ELF2: variants seen among roughly 807,000 people sequenced by gnomAD.
ELF2 encodes ETS-related transcription factor Elf-2.
A neutral mutation model predicts 54.8 loss-of-function variants in ELF2; 11 were observed. That is an observed-to-expected ratio of 0.20 (90% CI 0.13 to 0.33). The LOEUF (loss-of-function observed/expected upper bound fraction) is 0.33. Ranked by LOEUF, ELF2 falls within the 10% of genes least tolerant of loss-of-function variation. The pLI is 1.00. For missense variants in ELF2, 513 were observed against 703.0 expected (o/e 0.73, Z 3.06); for synonymous variants, 203 against 245.1 (o/e 0.83, Z 1.61).
chr4:139,175,887 G>C (rs995691905), intron 1 of ELF2, among the ~76,000 whole-genome samples: 1 of 152,204 alleles, frequency 6.6e-6, no homozygotes, highest in African/African-American at 2.4e-5. Flanking sequence ...CTCCTAGAAA[G>C]AGTCCATCCA....
chr4:139,135,279 G>GTGTGTA (rs373283677), intron 3 of ELF2, among the ~76,000 whole-genome samples: 3,490 of 136,116 alleles, frequency 0.026, 44 homozygotes, highest in South Asian at 0.052. Context: ...GTGTGTGTGT[G>GTGTGTA]TATATATGAA....
intron 1 of ELF2, among the ~76,000 whole-genome samples, chr4:139,162,511 A>G (rs1741279503): frequency 6.6e-6 from 1 of 152,234 alleles, no homozygotes; most frequent in African/African-American, 2.4e-5. Context: ...AGCCTGGGCA[A>G]CAAAGCAAGA....
At chr4:139,059,645 T>C (rs1374671478) in intron 9 of ELF2, 38 bp from the exon 10 acceptor site, 2 of 1,572,704 alleles carry the variant, frequency 1.3e-6, no homozygotes, top group South Asian at 2.3e-5. Flanking sequence ...TTATATTTAA[T>C]GCCAACTGAG....
chr4:139,110,318 T>C (rs999699907), intron 4 of ELF2, among the ~76,000 whole-genome samples: 9 of 152,182 alleles, frequency 5.9e-5, no homozygotes, highest in Non-Finnish European at 1.3e-4. Context: ...TCTTGCCCAG[T>C]TCCTGTTGTG....
chr4:139,175,051 G>A (rs574215752), intron 1 of ELF2, among the ~76,000 whole-genome samples: 1 of 152,264 alleles, frequency 6.6e-6, no homozygotes, highest in South Asian at 2.1e-4. Flanking sequence ...CTGCAAAATG[G>A]AGTAATTTTT....
intron 4 of ELF2, among the ~76,000 whole-genome samples, chr4:139,121,658 G>C (rs113003092): frequency 3.3e-5 from 5 of 152,158 alleles, no homozygotes; most frequent in Admixed American, 6.5e-5. Context: ...GGAGTCTGCA[G>C]CCACTGGGGA....
At chr4:139,095,928 C>G (rs940645366) in intron 4 of ELF2, among the ~76,000 whole-genome samples, 2 of 151,996 alleles carry the variant, frequency 1.3e-5, no homozygotes, top group Admixed American at 1.3e-4. Flanking sequence ...CCTGTAGAAA[C>G]AGTGAAACCC....
intron 1 of ELF2, among the ~76,000 whole-genome samples, chr4:139,169,239 G>A (rs939467493): frequency 6.6e-6 from 1 of 151,472 alleles, no homozygotes; most frequent in Admixed American, 6.6e-5. Context: ...TCCCAGGTAC[G>A]TGGAAAGTTG....
intron 4 of ELF2, chr4:139,102,180 G>A (rs1238674213): frequency 6.6e-6 from 1 of 151,834 alleles, no homozygotes; most frequent in Non-Finnish European, 1.5e-5. Context: ...AAGGTCATAT[G>A]GGGAAAAAAA....
intron 4 of ELF2, among the ~76,000 whole-genome samples, chr4:139,121,881 G>C (rs1271378013): frequency 6.6e-6 from 1 of 152,150 alleles, no homozygotes; most frequent in Admixed American, 6.5e-5. Context: ...ACCTCTGTGA[G>C]GGAAACGTAG....
At chr4:139,160,939 G>A (rs541949627) in intron 1 of ELF2, among the ~76,000 whole-genome samples, 11 of 152,078 alleles carry the variant, frequency 7.2e-5, no homozygotes, top group African/African-American at 1.9e-4. Flanking sequence ...GTCCAGCTTC[G>A]GCAACAGAGT....
chr4:139,073,798 A>G (rs1198447856), intron 4 of ELF2: 1 of 233,750 alleles, frequency 4.3e-6, no homozygotes, highest in Non-Finnish European at 8.2e-6. Context: ...TATAAAATGA[A>G]TATTGATTAT....
At chr4:139,127,503 T>G (rs1737041391) in intron 3 of ELF2, among the ~76,000 whole-genome samples, 2 of 152,120 alleles carry the variant, frequency 1.3e-5, no homozygotes, top group Non-Finnish European at 2.9e-5. Flanking sequence ...GGTAAACTAT[T>G]TTTTCAAAAT....
chr4:139,087,967 T>C (rs1732169988), intron 4 of ELF2, among the ~76,000 whole-genome samples: 2 of 152,120 alleles, frequency 1.3e-5, no homozygotes, highest in East Asian at 1.9e-4. Context: ...CAAGGACCCA[T>C]ATATAATTCT....
chr4:139,126,371 A>G (rs577598020), intron 3 of ELF2, among the ~76,000 whole-genome samples: 2 of 131,114 alleles, frequency 1.5e-5, no homozygotes, highest in East Asian at 4.2e-4. Context: ...AACAAGAAAT[A>G]GAAAGGAAAA....
At chr4:139,110,611 A>G (rs1305214522) in intron 4 of ELF2, among the ~76,000 whole-genome samples, 1 of 152,226 alleles carries the variant, frequency 6.6e-6, no homozygotes, top group Non-Finnish European at 1.5e-5. Context: ...TTCTCTTTAC[A>G]ATATCCCTAA....
intron 4 of ELF2, chr4:139,084,243 C>G (rs1368580136): frequency 6.2e-6 from 10 of 1,609,776 alleles, no homozygotes; most frequent in Non-Finnish European, 3.4e-6. Flanking sequence ...CCGTGAGCAG[C>G]GGCGGCAGGG....
At chr4:139,069,742 A>G (rs184261497) in intron 6 of ELF2, among the ~76,000 whole-genome samples, 4 of 152,202 alleles carry the variant, frequency 2.6e-5, no homozygotes, top group African/African-American at 9.7e-5. Context: ...AACCTATCTA[A>G]GTTTGTATAT....
chr4:139,076,669 T>C (rs995791109), intron 4 of ELF2, among the ~76,000 whole-genome samples: 3 of 152,116 alleles, frequency 2.0e-5, no homozygotes, highest in African/African-American at 7.2e-5. Flanking sequence ...ATTTTACCAG[T>C]TTTTTTAATG....
Sources: gnomAD v4.1 joint callset for allele counts (sites outside exome capture counted in the v4.1 genomes callset) on GRCh38, gnomAD v4.1.1 for gene constraint, MANE v1.5 for transcripts, NCBI Gene and HGNC (gene_info 2026-07-23, HGNC 2026-07-21) for gene names.